The following GALNT14 variants were observed in gnomAD, a reference collection of about 807,000 sequenced individuals.
GALNT14 encodes the protein polypeptide N-acetylgalactosaminyltransferase 14.
GALNT14 carries 60 observed loss-of-function variants against 77.5 expected under a neutral mutation model. The ratio of observed to expected loss-of-function variants is 0.77; its 90% CI spans 0.63 to 0.96. The LOEUF is 0.96. Ranked by LOEUF, GALNT14 falls within the 40% of genes least tolerant of loss-of-function variation. The pLI is 0.00. For synonymous variants in GALNT14, 280 were observed against 281.7 expected (o/e 0.99, Z 0.06); for missense variants, 710 against 731.0 (o/e 0.97, Z 0.33).
chr2:31,116,399 C>T (rs888600619), intron 1 of GALNT14, among the ~76,000 whole-genome samples: 4 of 151,732 alleles, frequency 2.6e-5, no homozygotes, highest in Non-Finnish European at 2.9e-5. Flanking sequence ...GAGAGTTATA[C>T]GTAATTTATA....
At chr2:30,909,095 C>T (rs1664230405), downstream of GALNT14, among the ~76,000 whole-genome samples, 1 of 151,934 alleles carries the variant, frequency 6.6e-6, no homozygotes, top group South Asian at 2.1e-4. Flanking sequence ...AGACCTAAAA[C>T]CATAAAAACC....
intron 1 of GALNT14, among the ~76,000 whole-genome samples, chr2:31,010,476 G>C (rs369436875): frequency 6.6e-6 from 1 of 152,160 alleles, no homozygotes; most frequent in Non-Finnish European, 1.5e-5. Flanking sequence ...TTAGCCGGGC[G>C]GGGTGGTGAG....
At chr2:31,039,719 A>G (rs531775509) in intron 1 of GALNT14, among the ~76,000 whole-genome samples, 3 of 152,266 alleles carry the variant, frequency 2.0e-5, no homozygotes, top group South Asian at 4.2e-4. Flanking sequence ...ATTCATAAAC[A>G]TAGGAGGGTA....
At chr2:31,015,998 G>C (rs1671326884) in intron 1 of GALNT14, among the ~76,000 whole-genome samples, 1 of 152,122 alleles carries the variant, frequency 6.6e-6, no homozygotes, top group African/African-American at 2.4e-5. Flanking sequence ...GAGATGATGA[G>C]AGTCACAAAC....
At chr2:30,962,488 T>C (rs1262870810) in intron 3 of GALNT14, among the ~76,000 whole-genome samples, 2 of 152,252 alleles carry the variant, frequency 1.3e-5, no homozygotes, top group Non-Finnish European at 2.9e-5. Flanking sequence ...CGGTGAAGGA[T>C]GCCCCAAAAG....
At chr2:30,913,007 C>A (rs1012987939) in intron 13 of GALNT14, among the ~76,000 whole-genome samples, 2 of 152,032 alleles carry the variant, frequency 1.3e-5, no homozygotes. Flanking sequence ...GGGAGCGAAG[C>A]TGAGAAATTG....
intron 9 of GALNT14, among the ~76,000 whole-genome samples, chr2:30,935,745 GCAGGC>G (rs1434467527): frequency 6.6e-6 from 1 of 152,206 alleles, no homozygotes; most frequent in East Asian, 1.9e-4. Context: ...TCTCAGGATT[GCAGGC>G]CAGGCCTGGT....
chr2:31,019,473 C>T (rs1671584995), intron 1 of GALNT14, among the ~76,000 whole-genome samples: 1 of 152,088 alleles, frequency 6.6e-6, no homozygotes, highest in South Asian at 2.1e-4. Flanking sequence ...ATCTAATGAC[C>T]ACTCTCTGAG....
rs1400468678 is a variant in GALNT14 at position 30,911,019 on chromosome 2, G to T, written c.1541C>A (p.Ser514Tyr). ...KTGSHIEHIA[S>Y]HLCLDTDMFG... ...CATATCTGTATCGAGGCAGAGGTGG[G>T]ATGCTATGTGCTCGATGTGGGAACC... Residue 514 changes from serine to tyrosine, a missense_variant, in exon 15 of 15, where the codon TCC becomes TAC. Transcript: ENST00000349752. 1 of 1,613,960 alleles carries T rather than the reference G, an allele frequency of 6.2e-7. No homozygotes were observed. Among genetic ancestry groups the T allele is most frequent in the Non-Finnish European group, 8.5e-7 (1 of 1,180,028 alleles).
At chr2:31,013,262 T>C (rs935689303) in intron 1 of GALNT14, among the ~76,000 whole-genome samples, 7 of 146,710 alleles carry the variant, frequency 4.8e-5, no homozygotes, top group African/African-American at 1.0e-4. Flanking sequence ...ACAGTCTTCA[T>C]CTTTTTAAAT....
intron 1 of GALNT14, among the ~76,000 whole-genome samples, chr2:31,037,045 T>G (rs1672778838): frequency 6.6e-6 from 1 of 152,070 alleles, no homozygotes; most frequent in African/African-American, 2.4e-5. Flanking sequence ...ATTTGAGGAG[T>G]GTTTGGCTAT....
chr2:30,893,435 AAGG>A, the GALNT14 span, among the ~76,000 whole-genome samples: 1 of 152,240 alleles, frequency 6.6e-6, no homozygotes, highest in African/African-American at 2.4e-5. Flanking sequence ...TTGTACAAGA[AAGG>A]AGGTTTATTG....
rs148021854 is a variant in GALNT14, at chr2:30,945,859, C to T, written c.666G>A (p.Arg222=). 4.9e-5 allele frequency: 79 copies of T among 1,614,042 alleles called. No homozygotes were observed. In the African/African-American group the frequency reaches 8.8e-4, roughly 18 times the overall value. ...LLHRVKEDYT[R]VVCPVIDIIN... ...TGATATCGATCACAGGGCACACCACCCGCGTGTAGTCCTGTAAGACAACAG... is the reference window on the plus strand; with the variant it reads ...TGATATCGATCACAGGGCACACCACTCGCGTGTAGTCCTGTAAGACAACAG... The change falls in exon 7 of 15, where the codon CGG becomes CGA. Residue 222 remains arginine (R), a synonymous_variant. Coordinates refer to ENST00000349752, the MANE Select transcript of GALNT14 (RefSeq NM_024572.4).
intron 11 of GALNT14, 110 bp from the exon 12 acceptor site, chr2:30,924,933 G>A (rs951266914): frequency 4.0e-6 from 3 of 751,122 alleles, no homozygotes; most frequent in Admixed American, 2.2e-5. Flanking sequence ...CCATGCCCAT[G>A]CTCTGTGCTC....
At chr2:30,941,043 C>T (rs1666346752) in intron 9 of GALNT14, among the ~76,000 whole-genome samples, 1 of 152,210 alleles carries the variant, frequency 6.6e-6, no homozygotes, top group African/African-American at 2.4e-5. Flanking sequence ...AGCCATAAAA[C>T]ACCCTGGAGG....
In GALNT14 at chr2:30,936,854, C is replaced by T. The variant is rs190636635; in HGVS notation, c.932-4660G>A. Among the ~76,000 whole-genome samples, 32 of 152,340 alleles carry T rather than the reference C, an allele frequency of 2.1e-4. No homozygotes were observed. The East Asian group carries it at 4.8e-3, about 23-fold the overall frequency. On this transcript the variant is annotated intron_variant, in intron 9 of 14. Coordinates refer to ENST00000349752, the MANE Select transcript of GALNT14 (RefSeq NM_024572.4). ...CATGCCATGATCTGCAATGCCCATA[C>T]GACTGCAAATGCCAGGTGACACCTT... is the stretch of plus-strand genomic sequence containing the variant.
chr2:31,066,451 C>G (rs1223234029), intron 1 of GALNT14, among the ~76,000 whole-genome samples: 4 of 152,042 alleles, frequency 2.6e-5, no homozygotes, highest in African/African-American at 9.7e-5. Flanking sequence ...CTTTAAGGGT[C>G]TGGGTTTGCT....
intron 1 of GALNT14, among the ~76,000 whole-genome samples, chr2:31,057,765 T>C (rs1233459468): frequency 6.6e-6 from 1 of 152,054 alleles, no homozygotes; most frequent in Non-Finnish European, 1.5e-5. Flanking sequence ...CCTTCCCCCA[T>C]ACATTCTCTC....
chr2:30,937,740 G>A (rs766477049), intron 9 of GALNT14, among the ~76,000 whole-genome samples: 1 of 152,232 alleles, frequency 6.6e-6, no homozygotes, highest in East Asian at 1.9e-4. Flanking sequence ...TCAGGTCACT[G>A]ATTAATGACC....
Sources: allele counts gnomAD v4.1 joint callset (sites outside exome capture counted in the v4.1 genomes callset), GRCh38; gene constraint gnomAD v4.1.1; transcripts MANE v1.5; gene names NCBI Gene and HGNC (gene_info 2026-07-23, HGNC 2026-07-21).